ST6GAL1: variants seen among roughly 807,000 people sequenced by gnomAD.
ST6GAL1 encodes the protein ST6 beta-galactoside alpha-2,6-sialyltransferase 1.
Under a neutral mutation model 38.0 loss-of-function variants are expected in ST6GAL1, and 20 were observed. That is an observed-to-expected ratio of 0.53 (90% CI 0.37 to 0.77). The LOEUF is 0.77. Ranked by LOEUF, ST6GAL1 falls within the 30% of genes least tolerant of loss-of-function variation. The pLI, the probability that ST6GAL1 is intolerant of heterozygous loss-of-function variation, is 0.00. For missense variants in ST6GAL1, 432 were observed against 496.4 expected, an observed-to-expected ratio of 0.87 and a Z score of 1.23; for synonymous variants, 196 against 188.2, an observed-to-expected ratio of 1.04 and a Z score of -0.34.
At chr3:187,067,838 C>T (rs1372322213) in intron 5 of ST6GAL1, among the ~76,000 whole-genome samples, 2 of 152,168 alleles carry the variant, frequency 1.3e-5, no homozygotes, top group Non-Finnish European at 2.9e-5. Flanking sequence ...TCTCTTGTCT[C>T]TCTGGGCCTC....
intron 5 of ST6GAL1, among the ~76,000 whole-genome samples, chr3:187,056,981 C>T (rs1163391096): frequency 6.6e-6 from 1 of 152,166 alleles, no homozygotes; most frequent in African/African-American, 2.4e-5. Context: ...TCCCATATTT[C>T]TTGGAGGCTT....
intron 1 of ST6GAL1, among the ~76,000 whole-genome samples, chr3:186,960,466 T>G (rs542960381): frequency 1.1e-3 from 160 of 152,266 alleles, no homozygotes; most frequent in Non-Finnish European, 1.8e-3. Flanking sequence ...TTAGGCCCAG[T>G]GACCCTTGTG....
intron 2 of ST6GAL1, among the ~76,000 whole-genome samples, chr3:186,974,726 T>A (rs55646066): frequency 2.7e-5 from 4 of 145,764 alleles, no homozygotes; most frequent in Non-Finnish European, 4.5e-5. Context: ...AGAGCCTGGT[T>A]GGGGGGGGGG....
chr3:186,990,960 G>T (rs981138717), intron 2 of ST6GAL1, among the ~76,000 whole-genome samples: 4 of 151,482 alleles, frequency 2.6e-5, no homozygotes, highest in African/African-American at 9.7e-5. Flanking sequence ...CAGGCTGTCT[G>T]CAGACCGCTG....
At chr3:187,056,051 C>T (rs1057147379) in intron 5 of ST6GAL1, among the ~76,000 whole-genome samples, 1 of 152,144 alleles carries the variant, frequency 6.6e-6, no homozygotes, top group African/African-American at 2.4e-5. Context: ...ATCCCTTTAC[C>T]ATTATGTAAT....
intron 5 of ST6GAL1, among the ~76,000 whole-genome samples, chr3:187,070,276 C>T (rs187279406): frequency 1.8e-4 from 28 of 152,046 alleles, no homozygotes; most frequent in African/African-American, 6.0e-4. Context: ...GAAGAAATAG[C>T]GAATGGATGC....
intron 2 of ST6GAL1, among the ~76,000 whole-genome samples, chr3:187,004,342 T>C (rs1014853109): frequency 1.3e-5 from 2 of 152,240 alleles, no homozygotes; most frequent in African/African-American, 4.8e-5. Flanking sequence ...AGGGAGACTA[T>C]CTGAAAGTCC....
chr3:187,013,369 A>T (rs10212190), intron 2 of ST6GAL1, among the ~76,000 whole-genome samples: 52,139 of 152,032 alleles, frequency 0.34, 9,323 homozygotes, highest in East Asian at 0.41. Context: ...ACAGAGACTC[A>T]GAGAAGATAA....
intron 1 of ST6GAL1, among the ~76,000 whole-genome samples, chr3:186,934,430 C>T (rs1019596832): frequency 8.1e-5 from 12 of 147,480 alleles, no homozygotes; most frequent in East Asian, 2.0e-4. Context: ...GGCATGGTGG[C>T]GTACTCCTGT....
chr3:186,944,936 G>A (rs1714304783), intron 1 of ST6GAL1, among the ~76,000 whole-genome samples: 1 of 152,202 alleles, frequency 6.6e-6, no homozygotes, highest in Non-Finnish European at 1.5e-5. Context: ...TTTGGGGAAA[G>A]CTTTCTACTA....
chr3:186,996,246 CAGAT>C (rs1472425294), intron 2 of ST6GAL1, among the ~76,000 whole-genome samples: 1 of 152,168 alleles, frequency 6.6e-6, no homozygotes, highest in East Asian at 1.9e-4. Flanking sequence ...CTGGGCCACT[CAGAT>C]AGACAATTGT....
intron 1 of ST6GAL1, among the ~76,000 whole-genome samples, chr3:186,957,558 A>C (rs1714788224): frequency 6.6e-6 from 1 of 152,192 alleles, no homozygotes; most frequent in Admixed American, 6.5e-5. Flanking sequence ...AAAATTTATT[A>C]AAGAAATAAT....
chr3:186,947,702 T>C (rs961136489), intron 1 of ST6GAL1, among the ~76,000 whole-genome samples: 5 of 152,200 alleles, frequency 3.3e-5, no homozygotes, highest in African/African-American at 1.2e-4. Flanking sequence ...CCAGGCTACT[T>C]AATCAGAACC....
At chr3:186,933,979 G>A (rs1021676049) in intron 1 of ST6GAL1, among the ~76,000 whole-genome samples, 1 of 149,548 alleles carries the variant, frequency 6.7e-6, no homozygotes, top group Non-Finnish European at 1.5e-5. Context: ...TCTTGTGCTG[G>A]GTTCCTCCAT....
In ST6GAL1 at chr3:187,024,487, TATATATAG is replaced by T. The variant is rs781085686; in HGVS notation, c.-182-14253_-182-14246del. ...ACATATATATGTGTATATATATATA[TATATATAG>T]AGAGAGAGAGAGAGAGAGAGAGAGA... On this transcript the variant is annotated intron_variant, in intron 2 of 7. Transcript: ENST00000169298. Among the ~76,000 whole-genome samples the T allele has an allele frequency of 1.0e-2, 680 of 68,126 alleles. 2 individuals are homozygous for T. Among genetic ancestry groups the T allele is most frequent in the African/African-American group, 0.026 (474 of 18,232 alleles). 44.7% of individuals were successfully genotyped at this position (68,126 alleles called of 152,430 possible). A position where few individuals can be genotyped will look rare whatever the true frequency, so the allele number is the denominator to read the frequency against.
intron 1 of ST6GAL1, among the ~76,000 whole-genome samples, chr3:186,959,277 G>C (rs931413915): frequency 2.0e-5 from 3 of 152,166 alleles, no homozygotes; most frequent in African/African-American, 4.8e-5. Context: ...CTCTTTGCTG[G>C]AATCTCTTGG....
chr3:187,051,655 C>A, intron 5 of ST6GAL1: 1 of 323,616 alleles, frequency 3.1e-6, no homozygotes, highest in Non-Finnish European at 6.0e-6. Context: ...CAGCAGAGCG[C>A]AGAACATCCA....
intron 2 of ST6GAL1, among the ~76,000 whole-genome samples, chr3:186,968,828 T>A (rs1418139495): frequency 6.6e-6 from 1 of 152,180 alleles, no homozygotes; most frequent in East Asian, 1.9e-4. Context: ...TGTGGGGACA[T>A]AAGTATTTAT....
intron 6 of ST6GAL1, 32 bp from the exon 7 acceptor site, chr3:187,074,127 T>A (rs1199656934): frequency 6.4e-7 from 1 of 1,564,942 alleles, no homozygotes; most frequent in Non-Finnish European, 8.7e-7. Context: ...GGCCCATTTC[T>A]CCCTTGAGAG....
Sources: allele counts gnomAD v4.1 joint callset (sites outside exome capture counted in the v4.1 genomes callset), GRCh38; gene constraint gnomAD v4.1.1; transcripts MANE v1.5; gene names NCBI Gene and HGNC (gene_info 2026-07-23, HGNC 2026-07-21).